Variants in MUSK observed in about 807,000 individuals in gnomAD.
MUSK encodes the protein muscle, skeletal receptor tyrosine-protein kinase.
MUSK carries 55 observed loss-of-function variants against 88.7 expected under a neutral mutation model. The ratio of observed to expected loss-of-function variants is 0.62; its 90% CI spans 0.50 to 0.78. The LOEUF (loss-of-function observed/expected upper bound fraction) is 0.78, where lower values mean the gene tolerates loss of function less well. Among genes scored for constraint, MUSK ranks in the 30% least tolerant of loss-of-function variants. The pLI, the probability that MUSK is intolerant of heterozygous loss-of-function variation, is 0.00. For missense variants in MUSK, 1,015 were observed against 1,074.3 expected (o/e 0.94, Z 0.77); for synonymous variants, 387 against 391.9 (o/e 0.99, Z 0.15).
chr9:110,709,207 TCA>T (rs1408005123), intron 5 of MUSK, among the ~76,000 whole-genome samples: 1 of 152,220 alleles, frequency 6.6e-6, no homozygotes, highest in Non-Finnish European at 1.5e-5. Flanking sequence ...AATTTTATAT[TCA>T]GTTATTTTCT....
intron 6 of MUSK, among the ~76,000 whole-genome samples, chr9:110,737,129 T>G (rs927409351): frequency 1.3e-5 from 2 of 152,028 alleles, no homozygotes; most frequent in Admixed American, 1.3e-4. Context: ...GTTAAAAATT[T>G]TTTTTTCAAA....
chr9:110,771,161 C>CT (rs34185224), intron 9 of MUSK, among the ~76,000 whole-genome samples: 59,074 of 96,440 alleles, frequency 0.61, 18,324 homozygotes, highest in South Asian at 0.7. Flanking sequence ...TCATTTCCTT[C>CT]TTTTTTTTTT....
chr9:110,784,785 A>G, intron 11 of MUSK, 30 bp from the exon 12 acceptor site: 2 of 1,561,502 alleles, frequency 1.3e-6, no homozygotes, highest in Non-Finnish European at 1.7e-6. Flanking sequence ...AGGTTTGAGA[A>G]TGAATGAAAT....
chr9:110,729,482 C>T (rs1166391229), intron 5 of MUSK, among the ~76,000 whole-genome samples: 2 of 151,588 alleles, frequency 1.3e-5, no homozygotes, highest in Non-Finnish European at 2.9e-5. Context: ...GAATTAATCT[C>T]AAACTGGTAT....
chr9:110,802,088 T>G lies in MUSK; in HGVS notation c.*1100T>G, dbSNP rs2078105191. On this transcript the variant is annotated 3_prime_UTR_variant, in exon 15 of 15. Transcript: ENST00000374448. ...AGATACACTTGTGGCTCTGAGTTATTTCAAAACTGATATTTCTGTGCATTC... is the reference window on the plus strand; with the variant it reads ...AGATACACTTGTGGCTCTGAGTTATGTCAAAACTGATATTTCTGTGCATTC... 6.6e-6 allele frequency among the ~76,000 whole-genome samples: 1 copy of G among 152,190 alleles called. No homozygotes were observed.
intron 9 of MUSK, 138 bp downstream of exon 9, chr9:110,768,221 G>C (rs2077514473): frequency 1.1e-6 from 1 of 892,146 alleles, no homozygotes; most frequent in Non-Finnish European, 1.7e-6. Context: ...TTAATGCCTG[G>C]GTGCAGTGGC....
Position 110,768,068 on chromosome 9 carries a change from CT to C in MUSK, c.1170del (p.Ile391PhefsTer11). 1 of 1,598,950 alleles carries C rather than the reference CT, an allele frequency of 6.3e-7. No individual in the cohort carries two copies. Among genetic ancestry groups the C allele is most frequent in the Non-Finnish European group, 8.5e-7 (1 of 1,170,864 alleles). ...QECSPGVVPTPIPICREYCLA... is the reference protein window; with the variant it reads ...QECSPGVVPTXIPICREYCLA... The stretch of plus-strand genomic sequence containing the variant: ...TGCAGTCCTGGAGTAGTGCCTACTC[CT>C]ATTCCCATTTGCAGGTAAAATCTCA... On this transcript the variant is annotated frameshift_variant, in exon 9 of 15. Coordinates refer to ENST00000374448, the MANE Select transcript of MUSK (RefSeq NM_005592.4). LOFTEE classifies it high-confidence loss of function.
At position 110,736,761 on chromosome 9, in the gene MUSK, A is replaced by G. The variant is rs950229236; in HGVS notation, c.753+2386A>G. On this transcript the variant is annotated intron_variant, in intron 6 of 14. Coordinates refer to ENST00000374448, the MANE Select transcript of MUSK (RefSeq NM_005592.4). The stretch of plus-strand genomic sequence containing the variant: ...TATCAGGAACTATTTTGAGGTCTAG[A>G]TGAAGGTATTTTCCTCCAAAGAGAA... 2.7e-4 allele frequency among the ~76,000 whole-genome samples: 41 copies of G among 152,078 alleles called. 1 individual carries two copies. The highest frequency in any genetic ancestry group is 9.7e-4 in the African/African-American group (40 of 41,420).
chr9:110,691,252 T>G (rs1216343244), intron 3 of MUSK, among the ~76,000 whole-genome samples: 4 of 152,138 alleles, frequency 2.6e-5, no homozygotes, highest in African/African-American at 9.7e-5. Flanking sequence ...AGCTTCAGTA[T>G]GTCACTCTCA....
At chr9:110,723,387 G>T (rs533238226) in intron 5 of MUSK, among the ~76,000 whole-genome samples, 1 of 152,006 alleles carries the variant, frequency 6.6e-6, no homozygotes, top group Non-Finnish European at 1.5e-5. Flanking sequence ...ACCAAACATT[G>T]TATGTTTTCA....
chr9:110,677,049 C>G (rs1469672023), intron 1 of MUSK, among the ~76,000 whole-genome samples: 1 of 152,070 alleles, frequency 6.6e-6, no homozygotes, highest in African/African-American at 2.4e-5. Flanking sequence ...CGTGGTTAAC[C>G]CGTCTTTCTT....
At chr9:110,740,111 A>G (rs2077078239) in intron 6 of MUSK, among the ~76,000 whole-genome samples, 1 of 152,132 alleles carries the variant, frequency 6.6e-6, no homozygotes, top group African/African-American at 2.4e-5. Flanking sequence ...TATAATTCAA[A>G]TGATATTAAG....
chr9:110,689,717 A>G (rs1460836212), intron 3 of MUSK, among the ~76,000 whole-genome samples: 10 of 35,638 alleles, frequency 2.8e-4, no homozygotes, highest in Admixed American at 9.2e-4. Context: ...ATAACTATAT[A>G]TGTTATATAT....
intron 6 of MUSK, among the ~76,000 whole-genome samples, chr9:110,746,423 TTC>T (rs2077175287): frequency 6.6e-6 from 1 of 152,224 alleles, no homozygotes; most frequent in South Asian, 2.1e-4. Flanking sequence ...TGCTCATTTG[TTC>T]TCTCTTCTAG....
At chr9:110,713,782 C>G (rs780021965) in intron 5 of MUSK, among the ~76,000 whole-genome samples, 5 of 152,048 alleles carry the variant, frequency 3.3e-5, no homozygotes, top group Non-Finnish European at 7.4e-5. Context: ...TTCCGGTTGG[C>G]TAAAACAAAA....
chr9:110,754,401 G>A (rs1462732178), intron 7 of MUSK, among the ~76,000 whole-genome samples: 1 of 152,154 alleles, frequency 6.6e-6, no homozygotes, highest in African/African-American at 2.4e-5. Context: ...GATATTTTGA[G>A]AATTTTTTAA....
intron 6 of MUSK, among the ~76,000 whole-genome samples, chr9:110,738,361 C>T (rs898824395): frequency 1.3e-5 from 2 of 152,116 alleles, no homozygotes; most frequent in African/African-American, 4.8e-5. Context: ...TTGCATAGAG[C>T]ACTATCTTAT....
At chr9:110,706,709 C>A (rs1034737383) in intron 5 of MUSK, among the ~76,000 whole-genome samples, 1 of 152,068 alleles carries the variant, frequency 6.6e-6, no homozygotes, top group Non-Finnish European at 1.5e-5. Flanking sequence ...CCCTTTAAAA[C>A]GCTAGACCAG....
chr9:110,744,370 C>G (rs2131867296), intron 6 of MUSK, among the ~76,000 whole-genome samples: 1 of 152,286 alleles, frequency 6.6e-6, no homozygotes, highest in East Asian at 1.9e-4. Context: ...TCTTCCCTAG[C>G]TAAGGTCAAA....
Sources: gnomAD v4.1 joint callset for allele counts (sites outside exome capture counted in the v4.1 genomes callset) on GRCh38, gnomAD v4.1.1 for gene constraint, MANE v1.5 for transcripts, NCBI Gene and HGNC (gene_info 2026-07-23, HGNC 2026-07-21) for gene names.